Variants in DGKI observed in about 807,000 individuals in gnomAD.
DGKI encodes diacylglycerol kinase iota.
In DGKI, 55 loss-of-function variants were observed where a neutral mutation model predicts 147.5. The observed-to-expected ratio is 0.37, with a 90% CI of 0.30 to 0.47. The LOEUF (loss-of-function observed/expected upper bound fraction) is 0.47, where lower values mean the gene tolerates loss of function less well. Ranked by LOEUF, DGKI falls within the 20% of genes least tolerant of loss-of-function variation. The pLI is 1.00. For synonymous variants in DGKI, 469 were observed against 477.1 expected (o/e 0.98, Z 0.22); for missense variants, 1,007 against 1,323.8 (o/e 0.76, Z 3.71).
chr7:137,480,573 G>A (rs1002656350), intron 23 of DGKI, among the ~76,000 whole-genome samples: 3 of 151,046 alleles, frequency 2.0e-5, no homozygotes, highest in Non-Finnish European at 4.4e-5. Flanking sequence ...AAGTAATGTA[G>A]ACTCCGATCT....
intron 8 of DGKI, among the ~76,000 whole-genome samples, chr7:137,616,558 T>G (rs1820537824): frequency 6.6e-6 from 1 of 152,104 alleles, no homozygotes; most frequent in Admixed American, 6.6e-5. Context: ...CATGGTATTG[T>G]TCCTAAAACC....
chr7:137,817,793 G>T (rs1457570457), intron 1 of DGKI, among the ~76,000 whole-genome samples: 1 of 152,102 alleles, frequency 6.6e-6, no homozygotes, highest in Non-Finnish European at 1.5e-5. Context: ...AATGCTAAAA[G>T]GTACCTTCCC....
intron 1 of DGKI, among the ~76,000 whole-genome samples, chr7:137,737,681 T>C (rs894382789): frequency 4.6e-5 from 7 of 152,146 alleles, no homozygotes; most frequent in Admixed American, 4.6e-4. Flanking sequence ...GAAATGCCTC[T>C]AAACATTAGC....
chr7:137,762,776 T>C (rs1411547816), intron 1 of DGKI, among the ~76,000 whole-genome samples: 1 of 152,190 alleles, frequency 6.6e-6, no homozygotes, highest in African/African-American at 2.4e-5. Context: ...GGGGCTGACC[T>C]CCACCAAAGT....
Position 137,450,859 on chromosome 7 carries a change from G to A in DGKI, c.2736-6757C>T, listed in dbSNP as rs1350985286. On this transcript the variant is annotated intron_variant, in intron 27 of 32. Coordinates refer to ENST00000614521, the MANE Select transcript of DGKI (RefSeq NM_001321708.2). ...TTGATCTGAATATTTGCTGGTGAAA[G>A]TACCCTTCCCAATATTAACCCTGCT... is the stretch of plus-strand genomic sequence containing the variant. Among the ~76,000 whole-genome samples the A allele has an allele frequency of 3.3e-5, 5 of 151,632 alleles. No homozygotes were observed. The East Asian group carries it at 7.7e-4, about 23-fold the overall frequency.
At chr7:137,470,031 G>A (rs913267408) in intron 23 of DGKI, among the ~76,000 whole-genome samples, 5 of 152,230 alleles carry the variant, frequency 3.3e-5, no homozygotes, top group East Asian at 3.9e-4. Context: ...CTGGCCACAC[G>A]GGACATACGG....
intron 1 of DGKI, among the ~76,000 whole-genome samples, chr7:137,820,829 C>T (rs1017991306): frequency 6.6e-6 from 1 of 152,164 alleles, no homozygotes; most frequent in African/African-American, 2.4e-5. Flanking sequence ...CCAGACCAGC[C>T]TCTCAGCAAG....
chr7:137,609,932 A>AGTCTCCCGCCCAACCAGGTTC (rs1399710516), intron 8 of DGKI, among the ~76,000 whole-genome samples: 2 of 152,282 alleles, frequency 1.3e-5, no homozygotes, highest in South Asian at 2.1e-4. Context: ...GAGGGGCTCC[A>AGTCTCCCGCCCAACCAGGTTC]GTCTCCCGCC....
At chr7:137,785,459 A>C (rs921358074) in intron 1 of DGKI, among the ~76,000 whole-genome samples, 5 of 152,058 alleles carry the variant, frequency 3.3e-5, no homozygotes, top group Admixed American at 1.3e-4. Flanking sequence ...AATAACAAGC[A>C]GCGTGATTGA....
intron 20 of DGKI, among the ~76,000 whole-genome samples, chr7:137,536,431 A>C (rs1269476175): frequency 6.6e-6 from 1 of 152,154 alleles, no homozygotes; most frequent in East Asian, 1.9e-4. Context: ...TGAGACATGA[A>C]CTATGCTTAC....
intron 3 of DGKI, among the ~76,000 whole-genome samples, chr7:137,658,397 C>T (rs1355253337): frequency 1.3e-5 from 2 of 152,164 alleles, no homozygotes; most frequent in African/African-American, 4.8e-5. Context: ...AGTCACATTG[C>T]TAATCAGAGT....
intron 12 of DGKI, among the ~76,000 whole-genome samples, chr7:137,591,812 A>G (rs187149332): frequency 6.6e-6 from 1 of 152,252 alleles, no homozygotes; most frequent in East Asian, 1.9e-4. Flanking sequence ...ACCTTCCTCA[A>G]TAAAGGCCCA....
chr7:137,737,259 T>C (rs1023700277), intron 1 of DGKI, among the ~76,000 whole-genome samples: 6 of 128,018 alleles, frequency 4.7e-5, no homozygotes, highest in African/African-American at 1.8e-4. Flanking sequence ...AAACATGAGA[T>C]AACTATTTGT....
At chr7:137,831,173 C>G (rs1798206778) in intron 1 of DGKI, among the ~76,000 whole-genome samples, 1 of 152,218 alleles carries the variant, frequency 6.6e-6, no homozygotes, top group Non-Finnish European at 1.5e-5. Flanking sequence ...CATTCACAAG[C>G]AGAGGCTGCT....
In DGKI at chr7:137,517,337, A is replaced by AAGAG. The variant is rs1278420755; in HGVS notation, c.2248+4525_2248+4528dup. ...AAAGAAAGAAAGAAAGAAAGAAAGA[A>AAGAG]AGAGAAAGAAAGAAAGAAGGAAAGA... On this transcript the variant is annotated intron_variant, in intron 21 of 32. Transcript: ENST00000614521. Among the ~76,000 whole-genome samples the AAGAG allele has an allele frequency of 3.8e-3, 438 of 116,770 alleles. 6 individuals are homozygous for AAGAG. The highest frequency in any genetic ancestry group is 0.026 in the East Asian group (92 of 3,588). 76.6% of individuals were successfully genotyped at this position (116,770 alleles called of 152,430 possible). A position where few individuals can be genotyped will look rare whatever the true frequency, so the allele number is the denominator to read the frequency against.
At chr7:137,428,353 G>T (rs538874099) in intron 28 of DGKI, among the ~76,000 whole-genome samples, 2,720 of 152,134 alleles carry the variant, frequency 0.018, 83 homozygotes, top group African/African-American at 0.062. Context: ...ATTCAACAAC[G>T]CTTCATGCTA....
chr7:137,638,369 CT>C (rs1166809937), intron 6 of DGKI, among the ~76,000 whole-genome samples: 2 of 144,314 alleles, frequency 1.4e-5, no homozygotes, highest in Non-Finnish European at 1.5e-5. Context: ...CCCAATGCTT[CT>C]TTTTTTTTCT....
chr7:137,524,208 TGTGAA>T (rs1028772413), intron 20 of DGKI, among the ~76,000 whole-genome samples: 93 of 152,112 alleles, frequency 6.1e-4, no homozygotes, highest in Admixed American at 6.0e-3. Context: ...TACAACATGC[TGTGAA>T]GTGAAGAAAA....
In DGKI at chr7:137,571,199, G is replaced by A; in HGVS notation, c.1923C>T (p.Val641=). 6.2e-7 allele frequency: 1 copy of A among 1,610,136 alleles called. No individual in the cohort carries two copies. Among genetic ancestry groups the A allele is most frequent in the Non-Finnish European group, 8.5e-7 (1 of 1,179,290 alleles). The change falls in exon 19 of 33, where the codon GTC becomes GTT. Residue 641 remains valine (V), a synonymous_variant. Coordinates refer to ENST00000614521, the MANE Select transcript of DGKI (RefSeq NM_001321708.2). The part of the protein sequence containing the change: ...PQRHDDGYIE[V]IGFTMASLAA... ...CCAAAGAGGCCATGGTAAATCCAAT[G>A]ACTTCAATATAACCATCATCATGAC...
Sources: gnomAD v4.1 joint callset for allele counts (sites outside exome capture counted in the v4.1 genomes callset) on GRCh38, gnomAD v4.1.1 for gene constraint, MANE v1.5 for transcripts, NCBI Gene and HGNC (gene_info 2026-07-23, HGNC 2026-07-21) for gene names.